Variants in DLG1 observed in about 807,000 individuals in gnomAD.
DLG1 encodes the protein discs large MAGUK scaffold protein 1.
In DLG1, 42 loss-of-function variants were observed where a neutral mutation model predicts 123.4. The ratio of observed to expected loss-of-function variants is 0.34; its 90% CI spans 0.27 to 0.44. The LOEUF (loss-of-function observed/expected upper bound fraction) is 0.44. Ranked by LOEUF, DLG1 falls within the 20% of genes least tolerant of loss-of-function variation. DLG1 has a pLI of 1.00. For synonymous variants in DLG1, 317 were observed against 356.2 expected (o/e 0.89, Z 1.24); for missense variants, 942 against 1,082.6 (o/e 0.87, Z 1.82).
chr3:197,239,040 CA>C (rs1237077795), intron 4 of DLG1, among the ~76,000 whole-genome samples: 1 of 151,788 alleles, frequency 6.6e-6, no homozygotes, highest in Non-Finnish European at 1.5e-5. Context: ...TTAATGAAAC[CA>C]AAAGTTGTTT....
chr3:197,110,393 T>C (rs991104684), intron 13 of DLG1, among the ~76,000 whole-genome samples: 1 of 152,208 alleles, frequency 6.6e-6, no homozygotes, highest in African/African-American at 2.4e-5. Context: ...TGGTGAGATA[T>C]TGTTCCTTTA....
chr3:197,122,625 A>T (rs143641592), intron 11 of DLG1, among the ~76,000 whole-genome samples: 57 of 152,278 alleles, frequency 3.7e-4, no homozygotes, highest in Non-Finnish European at 6.3e-4. Context: ...TACAAAACAG[A>T]TATTTCCTAT....
chr3:197,209,957 C>T (rs1033663267), intron 4 of DLG1, among the ~76,000 whole-genome samples: 3 of 146,400 alleles, frequency 2.0e-5, no homozygotes, highest in African/African-American at 7.3e-5. Flanking sequence ...TTAACATCAT[C>T]CATGACTCCA....
rs1717943189 is a variant in DLG1, at chr3:197,189,358, T to C, written c.483+5067A>G. On this transcript the variant is annotated intron_variant, in intron 5 of 24. Transcript: ENST00000667157. ...AAATTTTTAAAAACTTGATACATCATATTACACAGGAAATATACAAGAAAA... is the reference window on the plus strand; with the variant it reads ...AAATTTTTAAAAACTTGATACATCACATTACACAGGAAATATACAAGAAAA... Among the ~76,000 whole-genome samples the C allele has an allele frequency of 1.3e-5, 2 of 152,202 alleles. 1 individual carries two copies. Among genetic ancestry groups the C allele is most frequent in the South Asian group, 4.1e-4 (2 of 4,824 alleles).
At chr3:197,165,675 T>C (rs974994548) in intron 5 of DLG1, among the ~76,000 whole-genome samples, 102 of 152,228 alleles carry the variant, frequency 6.7e-4, no homozygotes, top group African/African-American at 2.5e-3. Flanking sequence ...TGATACTCAC[T>C]GCAATATTTA....
chr3:197,251,731 C>T (rs1047066598), intron 4 of DLG1, among the ~76,000 whole-genome samples: 6 of 152,142 alleles, frequency 3.9e-5, no homozygotes, highest in Non-Finnish European at 8.8e-5. Flanking sequence ...GAAGAGAAAA[C>T]TCACAGAATG....
rs539413652 is a variant in DLG1, at chr3:197,242,966, T to G, written c.318+39713A>C. Among the ~76,000 whole-genome samples, 7 of 152,278 alleles carry G rather than the reference T, an allele frequency of 4.6e-5. No individual in the cohort carries two copies. In the East Asian group the frequency reaches 1.2e-3, roughly 25 times the overall value. On this transcript the variant is annotated intron_variant, in intron 4 of 24. Coordinates refer to ENST00000667157, the MANE Select transcript of DLG1 (RefSeq NM_001366207.1). Reference sequence around the variant, plus strand: ...AAGAATTAGGCAAGAGGATGCCTTGTGTTAGAAATAAGAGCTCAGAGTTGC... The same window carrying G: ...AAGAATTAGGCAAGAGGATGCCTTGGGTTAGAAATAAGAGCTCAGAGTTGC...
chr3:197,184,386 G>T (rs759624248), intron 5 of DLG1, among the ~76,000 whole-genome samples: 6 of 152,178 alleles, frequency 3.9e-5, no homozygotes, highest in Admixed American at 1.3e-4. Flanking sequence ...CTGTTAAAAT[G>T]ATTTCACTAA....
At chr3:197,147,853 T>C (rs1791725224) in intron 6 of DLG1, among the ~76,000 whole-genome samples, 1 of 146,768 alleles carries the variant, frequency 6.8e-6, no homozygotes, top group African/African-American at 2.5e-5. Flanking sequence ...AATAAAATCC[T>C]GAAGTTTCCC....
chr3:197,198,890 T>C (rs1052630798), intron 4 of DLG1, among the ~76,000 whole-genome samples: 1 of 152,186 alleles, frequency 6.6e-6, no homozygotes, highest in African/African-American at 2.4e-5. Flanking sequence ...ACATGAAGTA[T>C]CTTAAGACCC....
intron 4 of DLG1, among the ~76,000 whole-genome samples, chr3:197,212,669 T>C (rs1347770219): frequency 2.0e-5 from 3 of 152,238 alleles, no homozygotes; most frequent in African/African-American, 7.2e-5. Context: ...ACACCAGTTA[T>C]ACTGGAATAG....
At chr3:197,087,473 G>A (rs1005035794) in intron 15 of DLG1, among the ~76,000 whole-genome samples, 8 of 151,950 alleles carry the variant, frequency 5.3e-5, no homozygotes, top group African/African-American at 1.5e-4. Flanking sequence ...TTGAGCCCAG[G>A]AGTCCAAGAC....
chr3:197,225,559 T>C (rs1488455897), intron 4 of DLG1, among the ~76,000 whole-genome samples: 3 of 152,242 alleles, frequency 2.0e-5, no homozygotes, highest in East Asian at 1.9e-4. Flanking sequence ...TGCGTATCAA[T>C]GGTGTTTCCT....
intron 5 of DLG1, among the ~76,000 whole-genome samples, chr3:197,157,995 C>A (rs2149841340): frequency 6.6e-6 from 1 of 152,312 alleles, no homozygotes; most frequent in Non-Finnish European, 1.5e-5. Context: ...TCAATGATTT[C>A]TTGGATATGA....
intron 11 of DLG1, among the ~76,000 whole-genome samples, chr3:197,121,266 G>A (rs1470603995): frequency 6.6e-6 from 1 of 152,030 alleles, no homozygotes; most frequent in Non-Finnish European, 1.5e-5. Flanking sequence ...CTCAAAGAAG[G>A]ATCAGATAAA....
At chr3:197,276,147 A>G (rs1272546433) in intron 4 of DLG1, among the ~76,000 whole-genome samples, 1 of 152,236 alleles carries the variant, frequency 6.6e-6, no homozygotes, top group East Asian at 1.9e-4. Flanking sequence ...ATTTAATAAC[A>G]CATAATGGAT....
chr3:197,297,254 A>C lies in DLG1; in HGVS notation c.-31-19T>G. 2 of 1,613,288 alleles carry C rather than the reference A, an allele frequency of 1.2e-6. No individual in the cohort carries two copies. Among genetic ancestry groups the C allele is most frequent in the Non-Finnish European group, 1.7e-6 (2 of 1,179,882 alleles). Reference sequence around the variant, plus strand: ...CACACACCTTTAAAACACACAACGGAAAGGAAAAAGGATAGAATCATGTTA... The same window carrying C: ...CACACACCTTTAAAACACACAACGGCAAGGAAAAAGGATAGAATCATGTTA... On this transcript the variant is annotated intron_variant, in intron 1 of 24. Coordinates refer to ENST00000667157, the MANE Select transcript of DLG1 (RefSeq NM_001366207.1).
At chr3:197,134,994 GT>G (rs1480629306) in intron 10 of DLG1, among the ~76,000 whole-genome samples, 1 of 152,188 alleles carries the variant, frequency 6.6e-6, no homozygotes, top group African/African-American at 2.4e-5. Flanking sequence ...TGCCCGGATG[GT>G]TTTTACAGTG....
At chr3:197,085,469 A>G in intron 16 of DLG1, 111 bp downstream of exon 16, 2 of 1,107,508 alleles carry the variant, frequency 1.8e-6, no homozygotes, top group Non-Finnish European at 1.3e-6. Context: ...GCTTTTTTCA[A>G]TTAGAATAAT....
Sources: allele counts gnomAD v4.1 joint callset (sites outside exome capture counted in the v4.1 genomes callset), GRCh38; gene constraint gnomAD v4.1.1; transcripts MANE v1.5; gene names NCBI Gene and HGNC (gene_info 2026-07-23, HGNC 2026-07-21).